The following CNTNAP2 variants were observed in gnomAD, a reference collection of about 807,000 sequenced individuals.
The protein encoded by CNTNAP2 is contactin associated protein 2.
Under a neutral mutation model 155.2 loss-of-function variants are expected in CNTNAP2, and 98 were observed. The observed-to-expected ratio is 0.63, with a 90% CI of 0.54 to 0.75. CNTNAP2 has a LOEUF of 0.75. Ranked by LOEUF, CNTNAP2 falls within the 30% of genes least tolerant of loss-of-function variation. The probability of loss-of-function intolerance (pLI) is 0.00; values close to 1 mark genes in which losing one functional copy is unlikely to be tolerated. For missense variants in CNTNAP2, 1,727 were observed against 1,688.1 expected (o/e 1.02, Z -0.40); for synonymous variants, 651 against 631.2 (o/e 1.03, Z -0.47).
At chr7:146,754,027 A>G (rs1456985692) in intron 1 of CNTNAP2, among the ~76,000 whole-genome samples, 1 of 152,018 alleles carries the variant, frequency 6.6e-6, no homozygotes, top group Non-Finnish European at 1.5e-5. Context: ...TAGCAGGCAG[A>G]TCTGGCCTAA....
rs1585147536 is a variant in CNTNAP2, at chr7:146,903,327, A to G, written c.402+63423A>G. Among the ~76,000 whole-genome samples, 2 of 152,168 alleles carry G rather than the reference A, an allele frequency of 1.3e-5. 1 individual carries two copies. The highest frequency in any genetic ancestry group is 4.1e-4 in the South Asian group (2 of 4,830). On this transcript the variant is annotated intron_variant, in intron 3 of 23. Transcript: ENST00000361727. The stretch of plus-strand genomic sequence containing the variant: ...ACCATTACTATGCTGAAAACTCTCT[A>G]ATTTATAACTCTACCCCAGATCTGT...
At chr7:146,255,171 A>G (rs1799819012) in intron 1 of CNTNAP2, among the ~76,000 whole-genome samples, 1 of 152,186 alleles carries the variant, frequency 6.6e-6, no homozygotes, top group Non-Finnish European at 1.5e-5. Context: ...GAATTTCGGC[A>G]TAGAGAGACA....
At chr7:147,567,209 A>G (rs140649804) in intron 12 of CNTNAP2, among the ~76,000 whole-genome samples, 52 of 152,302 alleles carry the variant, frequency 3.4e-4, no homozygotes, top group Middle Eastern at 3.4e-3. Flanking sequence ...TGCATAGGAC[A>G]CCAGCAAAAT....
intron 15 of CNTNAP2, among the ~76,000 whole-genome samples, chr7:148,015,062 T>C (rs918845009): frequency 6.6e-6 from 1 of 152,214 alleles, no homozygotes; most frequent in Non-Finnish European, 1.5e-5. Context: ...ATAGCATGTT[T>C]TTTTGTTTTT....
intron 8 of CNTNAP2, among the ~76,000 whole-genome samples, chr7:147,229,639 T>G (rs2116614504): frequency 6.6e-6 from 1 of 152,330 alleles, no homozygotes; most frequent in South Asian, 2.1e-4. Context: ...AATGTTTTAC[T>G]CAAGCTTAGT....
intron 11 of CNTNAP2, among the ~76,000 whole-genome samples, chr7:147,523,016 T>C (rs75162353): frequency 0.024 from 3,690 of 152,262 alleles, 147 homozygotes; most frequent in African/African-American, 0.085. Context: ...AGAAACTCAT[T>C]ATTTCACAGT....
chr7:147,702,057 T>A (rs1269441204), intron 13 of CNTNAP2, among the ~76,000 whole-genome samples: 3 of 78,198 alleles, frequency 3.8e-5, no homozygotes. Context: ...TTTGGTTGGT[T>A]TTTTTTTTTT....
At chr7:147,019,896 G>GA (rs573911457) in intron 3 of CNTNAP2, among the ~76,000 whole-genome samples, 71 of 151,794 alleles carry the variant, frequency 4.7e-4, no homozygotes, top group Non-Finnish European at 8.3e-4. Context: ...AATTTAGCTA[G>GA]AAAAAAAATA....
intron 3 of CNTNAP2, among the ~76,000 whole-genome samples, chr7:146,849,093 T>A (rs1794820532): frequency 6.6e-6 from 1 of 152,152 alleles, no homozygotes; most frequent in Admixed American, 6.6e-5. Context: ...AAGCTGACTT[T>A]TTAAAATAAA....
intron 16 of CNTNAP2, among the ~76,000 whole-genome samples, chr7:148,130,959 A>G (rs996306689): frequency 6.6e-6 from 1 of 150,982 alleles, no homozygotes; most frequent in Middle Eastern, 3.4e-3. Context: ...TTCACATAGC[A>G]TTTGTCTGAA....
chr7:147,625,664 C>T (rs1794956934), intron 12 of CNTNAP2, among the ~76,000 whole-genome samples: 1 of 152,162 alleles, frequency 6.6e-6, no homozygotes, highest in Non-Finnish European at 1.5e-5. Flanking sequence ...ATGTGCAGTT[C>T]TCACCTGGAT....
At chr7:146,206,098 A>G (rs570092434) in intron 1 of CNTNAP2, among the ~76,000 whole-genome samples, 4 of 152,062 alleles carry the variant, frequency 2.6e-5, no homozygotes, top group East Asian at 1.9e-4. Context: ...ACAGACTAAA[A>G]TCACTGACCC....
At chr7:146,816,546 T>C (rs1803173952) in intron 2 of CNTNAP2, among the ~76,000 whole-genome samples, 1 of 152,318 alleles carries the variant, frequency 6.6e-6, no homozygotes, top group Non-Finnish European at 1.5e-5. Context: ...GAGTTTAATG[T>C]AAATGGGTAT....
chr7:148,409,823 G>A (rs1351424594), intron 23 of CNTNAP2, among the ~76,000 whole-genome samples: 951 of 48,260 alleles, frequency 0.02, 16 homozygotes, highest in South Asian at 0.033. Context: ...AGGCCGAGGC[G>A]GGCGGATCAC....
intron 8 of CNTNAP2, among the ~76,000 whole-genome samples, chr7:147,286,707 T>C (rs1443202550): frequency 3.3e-5 from 5 of 152,116 alleles, no homozygotes; most frequent in African/African-American, 1.2e-4. Context: ...TTTCATTAGC[T>C]TCTCAATATA....
intron 1 of CNTNAP2, among the ~76,000 whole-genome samples, chr7:146,396,852 TAGAG>T (rs1795635584): frequency 6.6e-6 from 1 of 151,976 alleles, no homozygotes; most frequent in African/African-American, 2.4e-5. Flanking sequence ...TTTATTTGCT[TAGAG>T]AGATAACAAT....
At chr7:147,594,552 G>C (rs1271607414) in intron 12 of CNTNAP2, among the ~76,000 whole-genome samples, 1 of 152,170 alleles carries the variant, frequency 6.6e-6, no homozygotes, top group Non-Finnish European at 1.5e-5. Flanking sequence ...GCAAGAAAAT[G>C]CTTTGAAATA....
chr7:147,543,531 A>G (rs920404623), intron 11 of CNTNAP2, among the ~76,000 whole-genome samples: 2 of 152,146 alleles, frequency 1.3e-5, no homozygotes, highest in African/African-American at 4.8e-5. Flanking sequence ...GTTTTTTCCT[A>G]CTTTCCTTTG....
rs1027833676 is a variant in CNTNAP2 at position 146,209,829 on chromosome 7, A to G, written c.97+92856A>G. Among the ~76,000 whole-genome samples, 4 of 152,344 alleles carry G rather than the reference A, an allele frequency of 2.6e-5. No homozygotes were observed. In the South Asian group the frequency reaches 8.3e-4, roughly 32 times the overall value. ...TGAATAAAATCATTAATGAAGGCAT[A>G]TTGTAAACATAAATATATGGACAGA... On this transcript the variant is annotated intron_variant, in intron 1 of 23. Coordinates refer to ENST00000361727, the MANE Select transcript of CNTNAP2 (RefSeq NM_014141.6).
Sources: allele counts gnomAD v4.1 joint callset (sites outside exome capture counted in the v4.1 genomes callset), GRCh38; gene constraint gnomAD v4.1.1; transcripts MANE v1.5; gene names NCBI Gene and HGNC (gene_info 2026-07-23, HGNC 2026-07-21).